PIP4K2A: variants seen among roughly 807,000 people sequenced by gnomAD.
PIP4K2A encodes the protein phosphatidylinositol 5-phosphate 4-kinase type-2 alpha.
PIP4K2A carries 14 observed loss-of-function variants against 42.9 expected under a neutral mutation model. That is an observed-to-expected ratio of 0.33 (90% CI 0.22 to 0.51). The LOEUF (loss-of-function observed/expected upper bound fraction) is 0.51. Ranked by LOEUF, PIP4K2A falls within the 20% of genes least tolerant of loss-of-function variation. PIP4K2A has a pLI of 0.97. For synonymous variants in PIP4K2A, 192 were observed against 192.2 expected, an observed-to-expected ratio of 1.00 and a Z score of 0.01; for missense variants, 434 against 519.8, an observed-to-expected ratio of 0.83 and a Z score of 1.61.
At chr10:22,594,615 C>A (rs979694492) in intron 3 of PIP4K2A, among the ~76,000 whole-genome samples, 4 of 152,140 alleles carry the variant, frequency 2.6e-5, no homozygotes. Flanking sequence ...AGGGTGATCT[C>A]GAACTCCTGG....
At chr10:22,703,452 C>T (rs1217415194) in intron 1 of PIP4K2A, among the ~76,000 whole-genome samples, 5 of 152,074 alleles carry the variant, frequency 3.3e-5, no homozygotes, top group Admixed American at 6.6e-5. Context: ...ACATTCCCGA[C>T]GAAGAGAAAA....
intron 1 of PIP4K2A, among the ~76,000 whole-genome samples, chr10:22,702,278 T>G (rs1310626215): frequency 6.6e-6 from 1 of 152,232 alleles, no homozygotes; most frequent in African/African-American, 2.4e-5. Flanking sequence ...AGGACTGAGA[T>G]ACTGACATTA....
intron 4 of PIP4K2A, among the ~76,000 whole-genome samples, chr10:22,587,582 CA>C (rs764773882): frequency 4.6e-4 from 70 of 152,156 alleles, no homozygotes; most frequent in Non-Finnish European, 8.5e-4. Flanking sequence ...GATAGAAACA[CA>C]AAGCTTGACA....
intron 1 of PIP4K2A, among the ~76,000 whole-genome samples, chr10:22,680,907 G>A (rs1168458488): frequency 6.6e-6 from 1 of 152,152 alleles, no homozygotes; most frequent in African/African-American, 2.4e-5. Context: ...GGGTCTTCCT[G>A]CATGTAGCAA....
intron 1 of PIP4K2A, among the ~76,000 whole-genome samples, chr10:22,707,584 A>G (rs117521485): frequency 0.011 from 1,653 of 152,320 alleles, 17 homozygotes; most frequent in Non-Finnish European, 0.017. Flanking sequence ...CTTAAGACTA[A>G]GAAAATAAAA....
chr10:22,548,687 T>C (rs1447156969), intron 7 of PIP4K2A, among the ~76,000 whole-genome samples: 1 of 152,220 alleles, frequency 6.6e-6, no homozygotes, highest in African/African-American at 2.4e-5. Context: ...CATTCCTTAA[T>C]GAAAGACTGG....
chr10:22,639,622 T>G (rs907495402), intron 1 of PIP4K2A, among the ~76,000 whole-genome samples: 1 of 152,084 alleles, frequency 6.6e-6, no homozygotes, highest in Non-Finnish European at 1.5e-5. Flanking sequence ...TTAGAGTACA[T>G]TTTTTTCACA....
intron 9 of PIP4K2A, among the ~76,000 whole-genome samples, chr10:22,538,424 A>G (rs951453197): frequency 1.3e-5 from 2 of 152,228 alleles, no homozygotes; most frequent in Admixed American, 1.3e-4. Context: ...TAATATGGGA[A>G]CAGACATTTA....
intron 6 of PIP4K2A, among the ~76,000 whole-genome samples, chr10:22,557,507 T>C (rs750036296): frequency 7.9e-5 from 12 of 152,256 alleles, no homozygotes; most frequent in Non-Finnish European, 1.8e-4. Flanking sequence ...TATGTGCTTA[T>C]TTCATGAGGT....
At chr10:22,607,693 C>T (rs1837935245) in intron 3 of PIP4K2A, 1 of 291,994 alleles carries the variant, frequency 3.4e-6, no homozygotes, top group South Asian at 7.3e-5. Context: ...CAGTCTCCTT[C>T]CAAAGAAAAG....
At chr10:22,646,870 A>G (rs1014274298) in intron 1 of PIP4K2A, among the ~76,000 whole-genome samples, 2 of 152,160 alleles carry the variant, frequency 1.3e-5, no homozygotes, top group African/African-American at 2.4e-5. Flanking sequence ...TTTCTATTGT[A>G]TGCATATTAA....
intron 1 of PIP4K2A, among the ~76,000 whole-genome samples, chr10:22,626,698 A>T (rs921630456): frequency 2.0e-5 from 3 of 152,200 alleles, no homozygotes; most frequent in Non-Finnish European, 4.4e-5. Flanking sequence ...TTTAATGTAA[A>T]GTATAGGGGT....
chr10:22,604,171 G>C (rs1231132082), intron 3 of PIP4K2A, among the ~76,000 whole-genome samples: 1 of 152,146 alleles, frequency 6.6e-6, no homozygotes, highest in Non-Finnish European at 1.5e-5. Context: ...ATCAAAACCA[G>C]AGGAAAGATA....
At chr10:22,660,962 A>G (rs1022728330) in intron 1 of PIP4K2A, among the ~76,000 whole-genome samples, 4 of 152,192 alleles carry the variant, frequency 2.6e-5, no homozygotes, top group Non-Finnish European at 5.9e-5. Flanking sequence ...AGGTTCATCA[A>G]TTGTAACAAA....
intron 1 of PIP4K2A, chr10:22,694,063 C>T (rs1216482305): frequency 6.6e-6 from 1 of 152,136 alleles, no homozygotes; most frequent in Admixed American, 6.5e-5. Context: ...CTGGGTGCCA[C>T]AGGGCTGACT....
intron 7 of PIP4K2A, among the ~76,000 whole-genome samples, chr10:22,545,045 GT>G (rs1233978574): frequency 6.6e-6 from 1 of 152,176 alleles, no homozygotes; most frequent in African/African-American, 2.4e-5. Flanking sequence ...GGGCTCTAAG[GT>G]TTTGGCTTTC....
intron 1 of PIP4K2A, among the ~76,000 whole-genome samples, chr10:22,674,846 G>A (rs1190067787): frequency 2.0e-5 from 3 of 151,972 alleles, no homozygotes; most frequent in Non-Finnish European, 2.9e-5. Flanking sequence ...GCCTATGGTC[G>A]TAGCTACTCA....
chr10:22,648,840 G>A (rs573089151), intron 1 of PIP4K2A, among the ~76,000 whole-genome samples: 4 of 152,308 alleles, frequency 2.6e-5, no homozygotes, highest in African/African-American at 9.6e-5. Context: ...ATACTAGAGA[G>A]GATACACATT....
At chr10:22,658,706 A>G (rs76583960) in intron 1 of PIP4K2A, among the ~76,000 whole-genome samples, 2,495 of 152,312 alleles carry the variant, frequency 0.016, 69 homozygotes, top group African/African-American at 0.056. Flanking sequence ...TGAGAATGTG[A>G]ACATCTCTCC....
Sources: gnomAD v4.1 joint callset for allele counts (sites outside exome capture counted in the v4.1 genomes callset) on GRCh38, gnomAD v4.1.1 for gene constraint, MANE v1.5 for transcripts, NCBI Gene and HGNC (gene_info 2026-07-23, HGNC 2026-07-21) for gene names.